PATJ: variants seen among roughly 807,000 people sequenced by gnomAD.
PATJ encodes the protein inaD-like protein.
Under a neutral mutation model 224.9 loss-of-function variants are expected in PATJ, and 190 were observed. That is an observed-to-expected ratio of 0.84 (90% CI 0.75 to 0.95). The LOEUF is 0.95. PATJ is among the 40% of genes least tolerant of loss of function. PATJ has a pLI of 0.00. For missense variants in PATJ, 2,121 were observed against 2,270.3 expected, an observed-to-expected ratio of 0.93 and a Z score of 1.34; for synonymous variants, 769 against 820.3, an observed-to-expected ratio of 0.94 and a Z score of 1.07.
At chr1:61,780,443 C>T (rs561307841) in intron 7 of PATJ, among the ~76,000 whole-genome samples, 15 of 152,152 alleles carry the variant, frequency 9.9e-5, no homozygotes, top group East Asian at 9.6e-4. Context: ...GCAGCCTGGG[C>T]GACAGAGCAA....
chr1:62,067,312 A>G (rs1656659310), intron 31 of PATJ, among the ~76,000 whole-genome samples: 1 of 151,518 alleles, frequency 6.6e-6, no homozygotes, highest in Non-Finnish European at 1.5e-5. Flanking sequence ...TATTTTTAGT[A>G]GAGACAGGGT....
intron 11 of PATJ, among the ~76,000 whole-genome samples, chr1:61,798,334 C>T (rs976112073): frequency 5.9e-5 from 9 of 152,004 alleles, no homozygotes; most frequent in African/African-American, 1.5e-4. Flanking sequence ...GCTGGGACCA[C>T]GGGTGAGCAC....
intron 37 of PATJ, chr1:62,117,507 A>T (rs895011396): frequency 1.3e-4 from 31 of 239,068 alleles, no homozygotes; most frequent in East Asian, 1.8e-4. Context: ...GTGTTTATTT[A>T]AAAAAAAAAA....
intron 22 of PATJ, among the ~76,000 whole-genome samples, chr1:61,891,527 A>T (rs530629094): frequency 6.6e-6 from 1 of 152,292 alleles, no homozygotes; most frequent in East Asian, 1.9e-4. Context: ...AGCACGTGAC[A>T]CTTCTAGGTT....
intron 13 of PATJ, among the ~76,000 whole-genome samples, chr1:61,807,455 C>T (rs968359210): frequency 6.6e-6 from 1 of 152,194 alleles, no homozygotes; most frequent in Non-Finnish European, 1.5e-5. Context: ...GGGATACAGA[C>T]ATGAGCCACT....
intron 21 of PATJ, among the ~76,000 whole-genome samples, chr1:61,883,854 T>A (rs1207732229): frequency 1.8e-5 from 1 of 56,776 alleles, no homozygotes; most frequent in Non-Finnish European, 3.0e-5. Flanking sequence ...TATTTGTTAT[T>A]CTGTGGAGGT....
Position 62,163,746 on chromosome 1 carries a change from A to T in PATJ, c.*2692A>T, listed in dbSNP as rs1669993986. ...CTATGAAGATGGAAATTTGTGAAAG[A>T]AGTAGTGCTCTTATATTTGGCCTCA... is the stretch of plus-strand genomic sequence containing the variant. On this transcript the variant is annotated 3_prime_UTR_variant, in exon 44 of 44. Coordinates refer to ENST00000642238, the MANE Select transcript of PATJ (RefSeq NM_001350145.3). 1 of 152,192 alleles carries T rather than the reference A, an allele frequency of 6.6e-6. No homozygotes were observed. The highest frequency in any genetic ancestry group is 1.5e-5 in the Non-Finnish European group (1 of 68,042). The allele number at this position is 152,192 out of a possible 1,614,324, so 9.4% of individuals were successfully genotyped here. A position where few individuals can be genotyped will look rare whatever the true frequency, so the allele number is the denominator to read the frequency against.
At chr1:61,804,668 C>T (rs908190773) in intron 12 of PATJ, among the ~76,000 whole-genome samples, 4 of 152,152 alleles carry the variant, frequency 2.6e-5, no homozygotes, top group African/African-American at 9.7e-5. Context: ...AGTTTTAGTA[C>T]TTTGACTTTT....
At chr1:61,999,119 G>A (rs865790333) in intron 28 of PATJ, among the ~76,000 whole-genome samples, 75 of 152,232 alleles carry the variant, frequency 4.9e-4, no homozygotes, top group African/African-American at 1.8e-3. Context: ...CGACAGGAAT[G>A]TATGCTGGGG....
At position 61,950,609 on chromosome 1, in the gene PATJ, T is replaced by C. The variant is rs557715717; in HGVS notation, c.3670+22780T>C. On this transcript the variant is annotated intron_variant, in intron 27 of 43. Coordinates refer to ENST00000642238, the MANE Select transcript of PATJ (RefSeq NM_001350145.3). ...AGGTGTCACTACAATCAACAGCAAT[T>C]ATTACCAAGCATTTAAAGAATGTTA... Among the ~76,000 whole-genome samples, 6 of 152,376 alleles carry C rather than the reference T, an allele frequency of 3.9e-5. No individual in the cohort carries two copies. In the East Asian group the frequency reaches 5.8e-4, roughly 15 times the overall value.
intron 42 of PATJ, among the ~76,000 whole-genome samples, chr1:62,149,938 T>G (rs985264186): frequency 3.9e-5 from 6 of 152,156 alleles, no homozygotes; most frequent in Non-Finnish European, 8.8e-5. Flanking sequence ...GCCACACTCC[T>G]CCCTCTTCCC....
chr1:62,023,084 G>A (rs939393352), intron 29 of PATJ, among the ~76,000 whole-genome samples: 5 of 152,156 alleles, frequency 3.3e-5, no homozygotes, highest in Admixed American at 6.5e-5. Context: ...GAGGTCAGGA[G>A]TTCCAGACCA....
intron 42 of PATJ, 105 bp downstream of exon 42, chr1:62,148,495 C>T (rs564424725): frequency 2.9e-5 from 22 of 770,374 alleles, no homozygotes; most frequent in South Asian, 1.5e-4. Flanking sequence ...CCAAAGCGCC[C>T]GTGACTTTTT....
intron 14 of PATJ, among the ~76,000 whole-genome samples, chr1:61,813,752 G>T (rs1015868225): frequency 9.9e-5 from 15 of 152,116 alleles, no homozygotes; most frequent in African/African-American, 3.4e-4. Flanking sequence ...GTTTAGATAG[G>T]TTGGTCAGGG....
Position 61,880,146 on chromosome 1 carries a change from G to C in PATJ, c.2960-4091G>C, listed in dbSNP as rs74494243. On this transcript the variant is annotated intron_variant, in intron 21 of 43. Transcript: ENST00000642238. Reference sequence around the variant, plus strand: ...ACCAGCTACTCACCTGTTTCTTTCTGTTCCTACCTGTTGCCTTATTTTCCT... The same window carrying C: ...ACCAGCTACTCACCTGTTTCTTTCTCTTCCTACCTGTTGCCTTATTTTCCT... 8.7e-3 allele frequency among the ~76,000 whole-genome samples: 1,331 copies of C among 152,242 alleles called. 20 individuals are homozygous for C. The highest frequency in any genetic ancestry group is 0.03 in the African/African-American group (1,251 of 41,550).
chr1:62,117,163 G>A lies in PATJ; in HGVS notation c.4835G>A (p.Gly1612Glu). The part of the protein sequence containing the change: ...CAQGLVQLEI[G>E]RLRAGSWTSA... ...CAGGGACTTGTGCAGCTAGAGATTG[G>A]AAGACTCCGAGCTGGTTCCTGGACC... Residue 1612 changes from glycine (G) to glutamate (E), a missense_variant, in exon 37 of 44, where the codon GGA (glycine) becomes GAA (glutamate). By Grantham distance (98) the Gly-to-Glu change is moderately conservative. Coordinates refer to ENST00000642238, the MANE Select transcript of PATJ (RefSeq NM_001350145.3). The A allele has an allele frequency of 1.2e-6, 2 of 1,614,032 alleles. No homozygotes were observed. The highest frequency in any genetic ancestry group is 1.7e-6 in the Non-Finnish European group (2 of 1,179,974).
intron 4 of PATJ, among the ~76,000 whole-genome samples, chr1:61,767,455 C>G (rs1200885957): frequency 6.6e-6 from 1 of 152,054 alleles, no homozygotes; most frequent in African/African-American, 2.4e-5. Context: ...TGGCAGATCA[C>G]TTGAGCCCAG....
chr1:61,971,208 G>A (rs1028771591), intron 27 of PATJ, among the ~76,000 whole-genome samples: 4 of 152,198 alleles, frequency 2.6e-5, no homozygotes, highest in Admixed American at 2.6e-4. Context: ...CTAGAAAGTA[G>A]AGTCTAGGTT....
At chr1:61,885,107 C>A (rs937873061) in intron 22 of PATJ, among the ~76,000 whole-genome samples, 2 of 152,136 alleles carry the variant, frequency 1.3e-5, no homozygotes, top group Non-Finnish European at 2.9e-5. Context: ...GGAGTCCTGG[C>A]ATAGGCATGG....
Sources: gnomAD v4.1 joint callset for allele counts (sites outside exome capture counted in the v4.1 genomes callset) on GRCh38, gnomAD v4.1.1 for gene constraint, MANE v1.5 for transcripts, NCBI Gene and HGNC (gene_info 2026-07-23, HGNC 2026-07-21) for gene names.